PCDH12: variants seen among roughly 807,000 people sequenced by gnomAD.
PCDH12 encodes protocadherin-12.
PCDH12 carries 45 observed loss-of-function variants against 70.9 expected under a neutral mutation model. The ratio of observed to expected loss-of-function variants is 0.63; its 90% CI spans 0.50 to 0.81. PCDH12 has a LOEUF of 0.81. Among genes scored for constraint, PCDH12 ranks in the 40% least tolerant of loss-of-function variants. The pLI is 0.00. For missense variants in PCDH12, 1,370 were observed against 1,491.7 expected (o/e 0.92, Z 1.34); for synonymous variants, 567 against 626.0 (o/e 0.91, Z 1.41).
At chr5:141,948,355 C>T (rs1752993406) in intron 3 of PCDH12, among the ~76,000 whole-genome samples, 1 of 152,116 alleles carries the variant, frequency 6.6e-6, no homozygotes, top group Non-Finnish European at 1.5e-5. Flanking sequence ...CCTGCCATAC[C>T]TTCAGTGTGT....
intron 1 of PCDH12, among the ~76,000 whole-genome samples, chr5:141,954,002 G>C (rs1753133109): frequency 6.6e-6 from 1 of 152,192 alleles, no homozygotes; most frequent in African/African-American, 2.4e-5. Flanking sequence ...TTCCCCACTT[G>C]TGTCTAGAAA....
chr5:141,945,407 T>TGCTGCTGCG lies in PCDH12; in HGVS notation c.3528_3529insCGCAGCAGC (p.Gly1176_Ser1177insArgSerSer), dbSNP rs760844126. 2 of 1,613,062 alleles carry TGCTGCTGCG rather than the reference T, an allele frequency of 1.2e-6. No individual in the cohort carries two copies. The highest frequency in any genetic ancestry group is 1.7e-6 in the Non-Finnish European group (2 of 1,179,554). ...CACAGGCACCTGCTGCTGCTGCTGCTGCCTCTGCTCTTGCCCTCAGTCCCC... is the reference window on the plus strand; with the variant it reads ...CACAGGCACCTGCTGCTGCTGCTGCTGCTGCTGCGGCCTCTGCTCTTGCCCTCAGTCCCC... On this transcript the variant is annotated inframe_insertion, in exon 4 of 4. Transcript: ENST00000231484.
In PCDH12 at chr5:141,956,315, T is replaced by C; in HGVS notation, c.1537A>G (p.Asn513Asp). 1.9e-6 allele frequency: 3 copies of C among 1,614,204 alleles called. No homozygotes were observed. In the East Asian group the frequency reaches 6.7e-5, roughly 36 times the overall value. Residue 513 changes from asparagine to aspartate, a missense_variant, in exon 1 of 4, where the codon AAC becomes GAC. Coordinates refer to ENST00000231484, the MANE Select transcript of PCDH12 (RefSeq NM_016580.4). ...CTCTGAGCAGTGACCTCTCCTGTGT[T>C]GGAGTCAATAGCTACTAAGTGAGCA... ...PVAHLVAIDSNTGEVTAQRSL... is the reference protein window; with the variant it reads ...PVAHLVAIDSDTGEVTAQRSL...
rs1285365867 is a variant in PCDH12 at position 141,957,726 on chromosome 5, A to G, written c.126T>C (p.Ser42=). 9 of 1,613,926 alleles carry G rather than the reference A, an allele frequency of 5.6e-6. No individual in the cohort carries two copies. The highest frequency in any genetic ancestry group is 1.3e-5 in the African/African-American group (1 of 74,930). The change falls in exon 1 of 4, where the codon TCT becomes TCC. Residue 42 remains serine (S), a synonymous_variant. Coordinates refer to ENST00000231484, the MANE Select transcript of PCDH12 (RefSeq NM_016580.4). This position sits in a 1 kb window ranked among gnomAD's most constrained non-coding sequence, Gnocchi z 4.3. ...VKYQVSEEVP[S]GTVIGKLSQE... is the part of the protein sequence containing the mutation. ...GGGACAGCTTCCCGATCACTGTACCAGATGGCACTTCCTCTGACACTTGGT... is the reference window on the plus strand; with the variant it reads ...GGGACAGCTTCCCGATCACTGTACCGGATGGCACTTCCTCTGACACTTGGT...
chr5:141,945,825 C>T lies in PCDH12; in HGVS notation c.3131-20G>A. ...CCAGACCTGTGGGGGAAGGAGGGGA[C>T]ACAGTGAGGGCCAGGCTCCGGGAAG... On this transcript the variant is annotated intron_variant, in intron 3 of 3. Coordinates refer to ENST00000231484, the MANE Select transcript of PCDH12 (RefSeq NM_016580.4). The T allele has an allele frequency of 6.2e-7, 1 of 1,602,052 alleles. No individual in the cohort carries two copies. Among genetic ancestry groups the T allele is most frequent in the Non-Finnish European group, 8.5e-7 (1 of 1,174,092 alleles).
At chr5:141,952,099 G>A (rs2126923052) in intron 1 of PCDH12, among the ~76,000 whole-genome samples, 1 of 152,316 alleles carries the variant, frequency 6.6e-6, no homozygotes, top group Non-Finnish European at 1.5e-5. Context: ...CTTAATAAGT[G>A]CCAGGCAGGG....
At chr5:141,948,386 T>C (rs1430332594) in intron 3 of PCDH12, among the ~76,000 whole-genome samples, 1 of 152,162 alleles carries the variant, frequency 6.6e-6, no homozygotes, top group African/African-American at 2.4e-5. Flanking sequence ...ATGGAGCACA[T>C]GAGAAACAGT....
At chr5:141,948,465 T>G (rs1156512892) in intron 3 of PCDH12, among the ~76,000 whole-genome samples, 1 of 152,254 alleles carries the variant, frequency 6.6e-6, no homozygotes, top group Non-Finnish European at 1.5e-5. Flanking sequence ...CAAAGGAGGC[T>G]GACCAATGTC....
At chr5:141,952,596 C>T (rs1023749195) in intron 1 of PCDH12, 2 of 152,182 alleles carry the variant, frequency 1.3e-5, no homozygotes, top group Non-Finnish European at 2.9e-5. Flanking sequence ...CCCTATAGGC[C>T]ATTGGAAGGG....
chr5:141,954,980 G>A lies in PCDH12; in HGVS notation c.2872C>T (p.Pro958Ser). The stretch of plus-strand genomic sequence containing the variant: ...GCCCATGCCCCAGGTACCTGAACAG[G>A]AGGAGAATCCACAGTGAGCTCCTCC... ...PVEELTVDSP[P>S]VQQISQLLSL... The change falls in exon 1 of 4, where the codon CCT (proline) becomes TCT (serine). Residue 958 changes from proline to serine, a missense_variant. Physicochemically the swap from Pro to Ser is moderately conservative, Grantham distance 74. Coordinates refer to ENST00000231484, the MANE Select transcript of PCDH12 (RefSeq NM_016580.4). 1 of 1,611,700 alleles carries A rather than the reference G, an allele frequency of 6.2e-7. No individual in the cohort carries two copies. Among genetic ancestry groups the A allele is most frequent in the Non-Finnish European group, 8.5e-7 (1 of 1,178,312 alleles).
At chr5:141,946,330 C>T (rs1371273218) in intron 3 of PCDH12, among the ~76,000 whole-genome samples, 4 of 152,220 alleles carry the variant, frequency 2.6e-5, no homozygotes, top group Non-Finnish European at 5.9e-5. Context: ...CATTTAACTT[C>T]ACAAACCTTT....
intron 3 of PCDH12, among the ~76,000 whole-genome samples, chr5:141,946,351 G>A (rs1306644708): frequency 6.6e-6 from 1 of 152,198 alleles, no homozygotes; most frequent in East Asian, 1.9e-4. Flanking sequence ...GAGGTCAAGA[G>A]TATTATTCCC....
At position 141,955,937 on chromosome 5, in the gene PCDH12, G is replaced by T. The variant is rs370147049; in HGVS notation, c.1915C>A (p.Arg639Ser). ...AAGAGGTGGGCTTCATTTCCACTGC[G>T]GATGCTGTAGAGGGGCTCTCCATTT... is the stretch of plus-strand genomic sequence containing the variant. ...GANGEPLYSI[R>S]SGNEAHLFIL... is the part of the protein sequence containing the mutation. The change falls in exon 1 of 4, where the codon CGC (arginine) becomes AGC (serine). Residue 639 changes from arginine (R) to serine (S), a missense_variant. Arg to Ser is a moderately radical substitution (Grantham distance 110). Coordinates refer to ENST00000231484, the MANE Select transcript of PCDH12 (RefSeq NM_016580.4). The surrounding 1 kb of genome is among the most constrained non-coding windows in gnomAD (Gnocchi z 5.5). The T allele has an allele frequency of 3.1e-6, 5 of 1,614,178 alleles. No individual in the cohort carries two copies. The highest frequency in any genetic ancestry group is 3.3e-5 in the Admixed American group (2 of 60,030).
At position 141,955,016 on chromosome 5, in the gene PCDH12, G is replaced by T. The variant is rs775129851; in HGVS notation, c.2836C>A (p.Arg946=). ...VRLSVAAFAE[R]NPVEELTVDS... is the part of the protein sequence containing the mutation. ...ACAGTGAGCTCCTCCACGGGGTTCC[G>T]CTCGGCGAAGGCAGCCACAGACAGC... Residue 946 remains arginine, a synonymous_variant, in exon 1 of 4, where the codon CGG becomes AGG. Transcript: ENST00000231484. The surrounding 1 kb of genome is among the most constrained non-coding windows in gnomAD (Gnocchi z 5.5). 1 of 1,614,142 alleles carries T rather than the reference G, an allele frequency of 6.2e-7. No individual in the cohort carries two copies. Among genetic ancestry groups the T allele is most frequent in the South Asian group, 1.1e-5 (1 of 91,086 alleles).
At chr5:141,953,928 GA>G (rs1377194893) in intron 1 of PCDH12, among the ~76,000 whole-genome samples, 2 of 152,188 alleles carry the variant, frequency 1.3e-5, no homozygotes, top group Non-Finnish European at 1.5e-5. Flanking sequence ...CTGGCACAGT[GA>G]AAATATCTGA....
chr5:141,949,353 C>A (rs1753025841), intron 3 of PCDH12, 79 bp downstream of exon 3: 2 of 1,501,384 alleles, frequency 1.3e-6, no homozygotes, highest in Non-Finnish European at 1.8e-6. Flanking sequence ...CTTTTCCCTG[C>A]AGTGGATTGG....
rs1200529574 is a variant in PCDH12, at chr5:141,951,506, G to A, written c.2965C>T (p.Pro989Ser). Reference sequence around the variant, plus strand: ...CGTGCTGCTTACCTGCTGCCTCCTGGCTTGGCCAAGTACTTATTTCCTCGG... The same window carrying A: ...CGTGCTGCTTACCTGCTGCCTCCTGACTTGGCCAAGTACTTATTTCCTCGG... Reference protein sequence around the residue: ...NHRGNKYLAKPGGSRSAIPDT... With the variant: ...NHRGNKYLAKSGGSRSAIPDT... Residue 989 changes from proline to serine, a missense_variant, in exon 2 of 4, where the codon CCA becomes TCA. Coordinates refer to ENST00000231484, the MANE Select transcript of PCDH12 (RefSeq NM_016580.4). 1 of 1,614,056 alleles carries A rather than the reference G, an allele frequency of 6.2e-7. No homozygotes were observed. The highest frequency in any genetic ancestry group is 1.1e-5 in the South Asian group (1 of 91,074).
Position 141,951,529 on chromosome 5 carries a change from C to G in PCDH12, c.2942G>C (p.Arg981Pro). ...QGQFQPKPNH[R>P]GNKYLAKPGG... ...TGGCTTGGCCAAGTACTTATTTCCT[C>G]GGTGGTTTGGTTTGGGCTGGAATTG... Residue 981 changes from arginine (R) to proline (P), a missense_variant, in exon 2 of 4, where the codon CGA becomes CCA. By Grantham distance (103) the Arg-to-Pro change is moderately radical. Coordinates refer to ENST00000231484, the MANE Select transcript of PCDH12 (RefSeq NM_016580.4). 1 of 1,614,188 alleles carries G rather than the reference C, an allele frequency of 6.2e-7. No individual in the cohort carries two copies. Among genetic ancestry groups the G allele is most frequent in the Non-Finnish European group, 8.5e-7 (1 of 1,180,038 alleles).
intron 2 of PCDH12, among the ~76,000 whole-genome samples, chr5:141,950,677 A>G (rs1753063204): frequency 6.6e-6 from 1 of 152,170 alleles, no homozygotes; most frequent in African/African-American, 2.4e-5. Context: ...ACCTCTCACC[A>G]TCCTTGTAAA....
Sources: allele counts gnomAD v4.1 joint callset (sites outside exome capture counted in the v4.1 genomes callset), GRCh38; gene constraint gnomAD v4.1.1; non-coding constraint Gnocchi (gnomAD v3.1); transcripts MANE v1.5; gene names NCBI Gene and HGNC (gene_info 2026-07-23, HGNC 2026-07-21).